The following GTF2E2 variants were observed in gnomAD, a reference collection of about 807,000 sequenced individuals.
GTF2E2 encodes general transcription factor IIE subunit 2, also known as transcription initiation factor IIE subunit beta.
In GTF2E2, 21 loss-of-function variants were observed where a neutral mutation model predicts 40.5. That is an observed-to-expected ratio of 0.52 (90% CI 0.37 to 0.75). The LOEUF (loss-of-function observed/expected upper bound fraction) is 0.75. GTF2E2 is among the 30% of genes least tolerant of loss of function. The pLI is 0.00. For missense variants in GTF2E2, 298 were observed against 338.4 expected, an observed-to-expected ratio of 0.88 and a Z score of 0.94; for synonymous variants, 117 against 121.6, an observed-to-expected ratio of 0.96 and a Z score of 0.25.
chr8:30,610,390 G>A (rs1585961951), intron 5 of GTF2E2, among the ~76,000 whole-genome samples: 2 of 143,108 alleles, frequency 1.4e-5, no homozygotes, highest in African/African-American at 2.6e-5. Flanking sequence ...AGGTTGCAGT[G>A]ACCCAAGATT....
At chr8:30,654,042 TA>T (rs1802374716) in intron 1 of GTF2E2, among the ~76,000 whole-genome samples, 1 of 146,230 alleles carries the variant, frequency 6.8e-6, no homozygotes, top group South Asian at 2.1e-4. Flanking sequence ...TGAGCTGTGA[TA>T]ATGCCACTGC....
At chr8:30,597,067 G>A (rs560035756) in intron 6 of GTF2E2, 1 of 152,462 alleles carries the variant, frequency 6.6e-6, no homozygotes, top group South Asian at 2.1e-4. Flanking sequence ...AGCCTCGTAT[G>A]GGTGGGAAGA....
intron 3 of GTF2E2, among the ~76,000 whole-genome samples, chr8:30,619,669 G>A (rs564930967): frequency 1.3e-5 from 2 of 152,158 alleles, no homozygotes; most frequent in South Asian, 4.1e-4. Context: ...TTACAGGTGT[G>A]AGCCACTGCG....
Position 30,614,761 on chromosome 8 carries a change from A to G in GTF2E2, c.259-46T>C, listed in dbSNP as rs761028574. Reference sequence around the variant, plus strand: ...TATTAGAAGACAGTTTCAAAATGCTAGATGCATTAAATCATAGTTACATGT... The same window carrying G: ...TATTAGAAGACAGTTTCAAAATGCTGGATGCATTAAATCATAGTTACATGT... On this transcript the variant is annotated intron_variant, in intron 3 of 7. Transcript: ENST00000355904. 2.2e-5 allele frequency: 22 copies of G among 1,006,164 alleles called. No homozygotes were observed. The East Asian group carries it at 3.6e-4, about 16-fold the overall frequency. 62.3% of individuals were successfully genotyped at this position (1,006,164 alleles called of 1,614,324 possible). A position where few individuals can be genotyped will look rare whatever the true frequency, so the allele number is the denominator to read the frequency against.
rs750809851 is a variant in GTF2E2, at chr8:30,624,847, C to T, written c.259-10132G>A. 3.0e-4 allele frequency among the ~76,000 whole-genome samples: 46 copies of T among 151,936 alleles called. 2 individuals carry two copies. Among genetic ancestry groups the T allele is most frequent in the African/African-American group, 1.1e-3 (46 of 41,280 alleles). The stretch of plus-strand genomic sequence containing the variant: ...TGTGTAAGAATGCTTGTGGTTTTTG[C>T]ACATTGATTTTGTATCCTGAGACTT... On this transcript the variant is annotated intron_variant, in intron 3 of 7. Coordinates refer to ENST00000355904, the MANE Select transcript of GTF2E2 (RefSeq NM_002095.6).
intron 6 of GTF2E2, among the ~76,000 whole-genome samples, chr8:30,603,276 T>C (rs1321899875): frequency 6.6e-6 from 1 of 151,986 alleles, no homozygotes; most frequent in Non-Finnish European, 1.5e-5. Flanking sequence ...AGAATGAAAA[T>C]AAATTATACC....
chr8:30,621,088 C>T (rs1462227715), intron 3 of GTF2E2, among the ~76,000 whole-genome samples: 2 of 151,942 alleles, frequency 1.3e-5, no homozygotes, highest in East Asian at 3.9e-4. Flanking sequence ...AATATTTTTC[C>T]ATATTCTCCA....
chr8:30,639,654 TTTAG>T (rs1801741033), intron 2 of GTF2E2, among the ~76,000 whole-genome samples: 1 of 152,184 alleles, frequency 6.6e-6, no homozygotes, highest in African/African-American at 2.4e-5. Context: ...AGCATGAAAA[TTTAG>T]TTATTTACTA....
rs139468909 is a variant in GTF2E2, at chr8:30,579,952, G to A, written c.759+329C>T. ...AAGTCTGAAAGGTTGTGCAGATCAA[G>A]GCACAGCATCCCTTTAAGAATAGGG... On this transcript the variant is annotated intron_variant, in intron 7 of 7. Transcript: ENST00000355904. 9.2e-5 allele frequency among the ~76,000 whole-genome samples: 14 copies of A among 152,344 alleles called. No individual in the cohort carries two copies. In the East Asian group the frequency reaches 2.7e-3, roughly 29 times the overall value.
chr8:30,587,582 T>A (rs1014688228), intron 6 of GTF2E2, among the ~76,000 whole-genome samples: 62 of 150,028 alleles, frequency 4.1e-4, no homozygotes, highest in Non-Finnish European at 7.4e-4. Context: ...AAAGAAGATA[T>A]ACAAATGAGG....
chr8:30,581,131 A>G (rs1828504791), intron 6 of GTF2E2, among the ~76,000 whole-genome samples: 1 of 152,198 alleles, frequency 6.6e-6, no homozygotes. Context: ...GTTTCACTTA[A>G]TTATCAGAAG....
intron 3 of GTF2E2, among the ~76,000 whole-genome samples, chr8:30,624,163 T>G (rs541070609): frequency 6.6e-6 from 1 of 152,294 alleles, no homozygotes; most frequent in South Asian, 2.1e-4. Context: ...TTTAAGTCTT[T>G]AATCCATCTT....
chr8:30,648,064 A>G lies in GTF2E2; in HGVS notation c.166+5369T>C, dbSNP rs1234889122. On this transcript the variant is annotated intron_variant, in intron 2 of 7. Coordinates refer to ENST00000355904, the MANE Select transcript of GTF2E2 (RefSeq NM_002095.6). ...GAATTCACACTGAAGAATGAGAATA[A>G]TATGACTTTTAAGCTGAAACTTAAA... 2.0e-5 allele frequency among the ~76,000 whole-genome samples: 3 copies of G among 152,370 alleles called. No individual in the cohort carries two copies. In the East Asian group the frequency reaches 5.8e-4, roughly 29 times the overall value.
At chr8:30,631,733 A>G (rs1801442976) in intron 3 of GTF2E2, among the ~76,000 whole-genome samples, 1 of 152,168 alleles carries the variant, frequency 6.6e-6, no homozygotes, top group African/African-American at 2.4e-5. Context: ...GTTACTTCTG[A>G]TTCATTCCCT....
chr8:30,630,394 CT>C (rs1169957281), intron 3 of GTF2E2, among the ~76,000 whole-genome samples: 1 of 152,166 alleles, frequency 6.6e-6, no homozygotes, highest in Admixed American at 6.5e-5. Flanking sequence ...AATGCCTCCC[CT>C]GGAACTTTTT....
intron 6 of GTF2E2, among the ~76,000 whole-genome samples, chr8:30,590,100 G>A (rs1828801539): frequency 6.6e-6 from 1 of 152,096 alleles, no homozygotes; most frequent in African/African-American, 2.4e-5. Flanking sequence ...ATGCTCCTCT[G>A]CAGTCACTCT....
At chr8:30,615,465 A>G (rs575146513) in intron 3 of GTF2E2, among the ~76,000 whole-genome samples, 14 of 152,196 alleles carry the variant, frequency 9.2e-5, no homozygotes, top group Non-Finnish European at 1.8e-4. Flanking sequence ...TTGTTCATAA[A>G]AGGAAAATAT....
intron 6 of GTF2E2, among the ~76,000 whole-genome samples, chr8:30,605,995 A>G (rs1000675272): frequency 1.3e-5 from 2 of 152,218 alleles, no homozygotes; most frequent in African/African-American, 4.8e-5. Context: ...TATAAAAATT[A>G]GCATAAAGGC....
intron 2 of GTF2E2, among the ~76,000 whole-genome samples, chr8:30,640,683 A>G (rs1352487601): frequency 6.6e-6 from 1 of 152,202 alleles, no homozygotes; most frequent in East Asian, 1.9e-4. Context: ...GTCGCAGGAT[A>G]GGAGAAAATC....
Sources: allele counts gnomAD v4.1 joint callset (sites outside exome capture counted in the v4.1 genomes callset), GRCh38; gene constraint gnomAD v4.1.1; transcripts MANE v1.5; gene names NCBI Gene and HGNC (gene_info 2026-07-23, HGNC 2026-07-21).